TRAPPC9: variants seen among roughly 807,000 people sequenced by gnomAD.
TRAPPC9 encodes trafficking protein particle complex subunit 9.
A neutral mutation model predicts 124.0 loss-of-function variants in TRAPPC9; 83 were observed. That is an observed-to-expected ratio of 0.67 (90% CI 0.56 to 0.80). The LOEUF (loss-of-function observed/expected upper bound fraction) is 0.80. Among genes scored for constraint, TRAPPC9 ranks in the 30% least tolerant of loss-of-function variants. The pLI is 0.00. For missense variants in TRAPPC9, 1,302 were observed against 1,508.3 expected (o/e 0.86, Z 2.27); for synonymous variants, 638 against 617.5 (o/e 1.03, Z -0.49).
At chr8:140,222,693 T>C (rs1347069914) in intron 16 of TRAPPC9, among the ~76,000 whole-genome samples, 1 of 152,236 alleles carries the variant, frequency 6.6e-6, no homozygotes, top group Non-Finnish European at 1.5e-5. Context: ...ACTGCAGTTT[T>C]ATATATTCTC....
chr8:139,954,934 T>C (rs932651714), intron 19 of TRAPPC9, among the ~76,000 whole-genome samples: 8 of 152,226 alleles, frequency 5.3e-5, no homozygotes, highest in African/African-American at 1.9e-4. Flanking sequence ...TACCAAAACA[T>C]CTCATCAAGT....
chr8:140,206,377 T>C (rs1201135157), intron 17 of TRAPPC9, among the ~76,000 whole-genome samples: 6 of 152,326 alleles, frequency 3.9e-5, no homozygotes, highest in East Asian at 1.9e-4. Flanking sequence ...TTTCTTGTCT[T>C]ACAATTTTCC....
intron 18 of TRAPPC9, among the ~76,000 whole-genome samples, chr8:140,014,229 T>C (rs946128931): frequency 1.3e-5 from 2 of 152,062 alleles, no homozygotes; most frequent in Non-Finnish European, 2.9e-5. Context: ...GAGTGGATCG[T>C]TTATTGTAAC....
chr8:140,316,330 G>A (rs897884213), intron 9 of TRAPPC9, among the ~76,000 whole-genome samples: 14 of 152,130 alleles, frequency 9.2e-5, no homozygotes, highest in Admixed American at 2.0e-4. Flanking sequence ...GCTATTAACA[G>A]CTTTTAATGA....
rs1211704644 is a variant in TRAPPC9, at chr8:140,353,019, C to T, written c.1495+7031G>A. Among the ~76,000 whole-genome samples the T allele has an allele frequency of 2.0e-5, 3 of 152,140 alleles. No homozygotes were observed. The highest frequency in any genetic ancestry group is 6.5e-5 in the Admixed American group (1 of 15,292). On this transcript the variant is annotated intron_variant, in intron 9 of 22. Coordinates refer to ENST00000438773, the MANE Select transcript of TRAPPC9 (RefSeq NM_001160372.4). The surrounding 1 kb of genome is among the most constrained non-coding windows in gnomAD (Gnocchi z 4.2). ...GTCATCTCCAATCCTTAAAACAATC[C>T]CACAAGGTAGACGCAAAAACCAAGA... is the stretch of plus-strand genomic sequence containing the variant.
At chr8:140,429,877 T>C (rs891454937) in intron 4 of TRAPPC9, among the ~76,000 whole-genome samples, 3 of 151,358 alleles carry the variant, frequency 2.0e-5, no homozygotes, top group Non-Finnish European at 2.9e-5. Context: ...CCAGGTGTGG[T>C]GGCTCACGCC....
chr8:140,372,012 T>C (rs1218737241), intron 7 of TRAPPC9, among the ~76,000 whole-genome samples: 1 of 152,216 alleles, frequency 6.6e-6, no homozygotes, highest in Non-Finnish European at 1.5e-5. Flanking sequence ...CAACAACTTC[T>C]GTTTCTTCAG....
chr8:140,092,395 C>G (rs1844631029), intron 17 of TRAPPC9, among the ~76,000 whole-genome samples: 1 of 151,984 alleles, frequency 6.6e-6, no homozygotes, highest in Non-Finnish European at 1.5e-5. Context: ...ATGGTTTTCA[C>G]CATGTTGGCC....
intron 21 of TRAPPC9, among the ~76,000 whole-genome samples, chr8:139,872,388 GTGGATGGATGGATGGA>G (rs112393714): frequency 1.3e-5 from 1 of 74,804 alleles, no homozygotes; most frequent in East Asian, 4.3e-4. Flanking sequence ...GGATAAGTGG[GTGGATGGATGGATGGA>G]TGGATGGATG....
At chr8:140,095,375 G>A (rs1844867857) in intron 17 of TRAPPC9, 1 of 152,276 alleles carries the variant, frequency 6.6e-6, no homozygotes, top group African/African-American at 2.4e-5. Context: ...CAGCAGAGCT[G>A]TGAGGCACTG....
intron 21 of TRAPPC9, among the ~76,000 whole-genome samples, chr8:139,871,374 C>T (rs946349645): frequency 6.6e-6 from 1 of 152,218 alleles, no homozygotes; most frequent in Non-Finnish European, 1.5e-5. Context: ...AGCTTGTTTT[C>T]AGAACCTGAC....
In TRAPPC9 at chr8:140,018,324, A is replaced by ATTTTTTC. The variant is rs765656679; in HGVS notation, c.2699+5612_2699+5613insGAAAAAA. On this transcript the variant is annotated intron_variant, in intron 18 of 22. Coordinates refer to ENST00000438773, the MANE Select transcript of TRAPPC9 (RefSeq NM_001160372.4). ...TTGCTGGTATATAGAAACGTAAGTG[A>ATTTTTTC]TTTTTTTTTTTTTTTTTGAGACGGA... Among the ~76,000 whole-genome samples, 4 of 119,786 alleles carry ATTTTTTC rather than the reference A, an allele frequency of 3.3e-5. 1 individual carries two copies. The highest frequency in any genetic ancestry group is 2.5e-4 in the East Asian group (1 of 4,012). The allele number at this position is 119,786 out of a possible 152,430, so 78.6% of individuals were successfully genotyped here. A position where few individuals can be genotyped will look rare whatever the true frequency, so the allele number is the denominator to read the frequency against.
intron 17 of TRAPPC9, among the ~76,000 whole-genome samples, chr8:140,137,188 A>G (rs1199975010): frequency 1.3e-5 from 2 of 152,204 alleles, no homozygotes; most frequent in Non-Finnish European, 2.9e-5. Flanking sequence ...ACAATTGGCA[A>G]ATAGACAAAG....
chr8:140,074,143 G>A (rs959011668), intron 17 of TRAPPC9, among the ~76,000 whole-genome samples: 5 of 152,110 alleles, frequency 3.3e-5, no homozygotes, highest in Admixed American at 6.5e-5. Flanking sequence ...CAGACAGCAC[G>A]GAATGAGTAG....
intron 21 of TRAPPC9, among the ~76,000 whole-genome samples, chr8:139,878,789 A>C (rs1056478504): frequency 1.3e-5 from 2 of 152,108 alleles, no homozygotes; most frequent in African/African-American, 2.4e-5. Context: ...ACATAGGGAG[A>C]CCCCATCTCT....
intron 9 of TRAPPC9, among the ~76,000 whole-genome samples, chr8:140,343,683 T>C (rs1468104759): frequency 6.6e-6 from 1 of 152,206 alleles, no homozygotes; most frequent in Admixed American, 6.5e-5. Context: ...TCAAAGCCTG[T>C]GTCTCAGACC....
At chr8:139,946,252 T>C (rs1834206277) in intron 19 of TRAPPC9, among the ~76,000 whole-genome samples, 1 of 152,208 alleles carries the variant, frequency 6.6e-6, no homozygotes, top group South Asian at 2.1e-4. Flanking sequence ...ACCTGATCTT[T>C]ATTCTAATTT....
At chr8:139,964,821 T>C (rs1587357755) in intron 19 of TRAPPC9, among the ~76,000 whole-genome samples, 1 of 152,234 alleles carries the variant, frequency 6.6e-6, no homozygotes, top group Non-Finnish European at 1.5e-5. Context: ...CCTAAAGTAC[T>C]ATTCCCACCA....
intron 18 of TRAPPC9, among the ~76,000 whole-genome samples, chr8:140,007,386 T>C (rs1383009029): frequency 6.6e-6 from 1 of 152,200 alleles, no homozygotes; most frequent in East Asian, 1.9e-4. Context: ...ATATAACATA[T>C]AATGATGATT....
Sources: gnomAD v4.1 joint callset for allele counts (sites outside exome capture counted in the v4.1 genomes callset) on GRCh38, gnomAD v4.1.1 for gene constraint, Gnocchi (gnomAD v3.1) non-coding constraint, MANE v1.5 for transcripts, NCBI Gene and HGNC (gene_info 2026-07-23, HGNC 2026-07-21) for gene names.